The following SLC35F1 variants were observed in gnomAD, a reference collection of about 807,000 sequenced individuals.
The protein encoded by SLC35F1 is chromosome 6 open reading frame 169.
In SLC35F1, 14 loss-of-function variants were observed where a neutral mutation model predicts 48.7. The ratio of observed to expected loss-of-function variants is 0.29; its 90% CI spans 0.19 to 0.45. The LOEUF is 0.45. SLC35F1 is among the 20% of genes least tolerant of loss of function. The pLI, the probability that SLC35F1 is intolerant of heterozygous loss-of-function variation, is 1.00. For synonymous variants in SLC35F1, 190 were observed against 202.2 expected (o/e 0.94, Z 0.51); for missense variants, 404 against 500.0 (o/e 0.81, Z 1.83).
chr6:118,082,563 TCTAA>T (rs1392133176), intron 1 of SLC35F1, among the ~76,000 whole-genome samples: 1 of 151,632 alleles, frequency 6.6e-6, no homozygotes, highest in African/African-American at 2.4e-5. Context: ...TAAACTCAAC[TCTAA>T]CAAACAAAGA....
intron 3 of SLC35F1, among the ~76,000 whole-genome samples, chr6:118,236,931 CT>C (rs1410285511): frequency 1.3e-5 from 2 of 152,186 alleles, no homozygotes; most frequent in African/African-American, 4.8e-5. Context: ...CTTTCTCTCC[CT>C]TTTAGAACTT....
chr6:117,921,139 AG>A (rs1438393021), intron 1 of SLC35F1, among the ~76,000 whole-genome samples: 1 of 151,940 alleles, frequency 6.6e-6, no homozygotes, highest in East Asian at 1.9e-4. Context: ...AATTGATGAT[AG>A]CCCCCCAACT....
chr6:118,164,327 C>T (rs1213191750), intron 2 of SLC35F1, among the ~76,000 whole-genome samples: 1 of 152,102 alleles, frequency 6.6e-6, no homozygotes, highest in Admixed American at 6.5e-5. Context: ...AATTTTTTGT[C>T]TTTAACTGCC....
chr6:118,053,101 A>C (rs1045459725), intron 1 of SLC35F1, among the ~76,000 whole-genome samples: 2 of 152,268 alleles, frequency 1.3e-5, no homozygotes, highest in East Asian at 3.9e-4. Context: ...TTATCTGGTA[A>C]GGAAATTTAC....
At position 118,275,582 on chromosome 6, in the gene SLC35F1, G is replaced by T; in HGVS notation, c.761G>T (p.Gly254Val). 6.2e-7 allele frequency: 1 copy of T among 1,613,874 alleles called. No individual in the cohort carries two copies. Among genetic ancestry groups the T allele is most frequent in the Non-Finnish European group, 8.5e-7 (1 of 1,179,884 alleles). The change falls in exon 5 of 8, where the codon GGT becomes GTT. Residue 254 changes from glycine (G) to valine (V), a missense_variant. Physicochemically the swap from Gly to Val is moderately radical, Grantham distance 109. Around this residue, in one of 2 missense-constraint regions of SLC35F1, gnomAD observed 306 missense variants for 419.1 expected, o/e 0.73. Transcript: ENST00000360388. ...CGAGTGGAATTCCTGGGAATGATTG[G>T]TCTCTTTGGAGCATTTTTCAGTGGA... is the stretch of plus-strand genomic sequence containing the variant. Reference protein sequence around the residue: ...LSRVEFLGMIGLFGAFFSGIQ... With the variant: ...LSRVEFLGMIVLFGAFFSGIQ...
intron 1 of SLC35F1, among the ~76,000 whole-genome samples, chr6:118,123,752 C>A (rs187172358): frequency 2.0e-3 from 309 of 152,308 alleles, no homozygotes; most frequent in Non-Finnish European, 3.9e-3. Flanking sequence ...CTTGCTTAAA[C>A]TGAATATCCA....
chr6:117,988,810 A>G (rs1776880828), intron 1 of SLC35F1, among the ~76,000 whole-genome samples: 1 of 152,220 alleles, frequency 6.6e-6, no homozygotes. Context: ...TTTATTGGGT[A>G]CAGAGTTTCT....
At chr6:118,082,721 C>G (rs1018777479) in intron 1 of SLC35F1, among the ~76,000 whole-genome samples, 3 of 152,072 alleles carry the variant, frequency 2.0e-5, no homozygotes, top group African/African-American at 7.2e-5. Flanking sequence ...GCTTTATTCT[C>G]AAGCAAGTTT....
chr6:118,290,515 A>C (rs1776107488), intron 7 of SLC35F1, among the ~76,000 whole-genome samples: 1 of 133,034 alleles, frequency 7.5e-6, no homozygotes, highest in Admixed American at 7.8e-5. Flanking sequence ...TAGTATCTGC[A>C]AAAAAAAAAA....
intron 1 of SLC35F1, among the ~76,000 whole-genome samples, chr6:118,033,988 C>G (rs191932872): frequency 2.1e-4 from 32 of 152,222 alleles, no homozygotes; most frequent in Admixed American, 2.0e-3. Flanking sequence ...CAGGAGGCAG[C>G]AGCTAAATGG....
At chr6:118,048,852 G>A (rs1486806128) in intron 1 of SLC35F1, among the ~76,000 whole-genome samples, 4 of 152,024 alleles carry the variant, frequency 2.6e-5, no homozygotes, top group Admixed American at 6.6e-5. Flanking sequence ...TCACAGAATT[G>A]GAAAAAACTA....
At chr6:118,070,448 A>G (rs1346868712) in intron 1 of SLC35F1, among the ~76,000 whole-genome samples, 1 of 152,178 alleles carries the variant, frequency 6.6e-6, no homozygotes, top group African/African-American at 2.4e-5. Context: ...ACACTCTTGA[A>G]TAGGACTTAA....
At chr6:117,948,676 C>T (rs1263401035) in intron 1 of SLC35F1, among the ~76,000 whole-genome samples, 3 of 152,088 alleles carry the variant, frequency 2.0e-5, no homozygotes, top group Non-Finnish European at 4.4e-5. Flanking sequence ...TGATAACTGC[C>T]TGCCCTGAAA....
intron 6 of SLC35F1, among the ~76,000 whole-genome samples, chr6:118,282,521 A>G (rs780184221): frequency 2.0e-5 from 3 of 152,180 alleles, no homozygotes; most frequent in Non-Finnish European, 2.9e-5. Flanking sequence ...TCCTTTGCTC[A>G]CCAACTGGGC....
chr6:118,173,692 C>T (rs1017061778), intron 2 of SLC35F1, among the ~76,000 whole-genome samples: 41 of 152,080 alleles, frequency 2.7e-4, no homozygotes, highest in Non-Finnish European at 7.4e-5. Context: ...TTAAGATACA[C>T]CAGACTTTCA....
intron 2 of SLC35F1, among the ~76,000 whole-genome samples, chr6:118,186,512 C>T (rs1436334246): frequency 6.6e-6 from 1 of 152,142 alleles, no homozygotes; most frequent in East Asian, 1.9e-4. Context: ...TCACTGTCTT[C>T]CTCCTCCCTT....
Position 118,177,368 on chromosome 6 carries a change from T to C in SLC35F1, c.349+22748T>C, listed in dbSNP as rs953459373. ...GCTATCTTAGACAAATTTTATCTTA[T>C]ATTTCCTCTTCTAAATCAAAACTTA... On this transcript the variant is annotated intron_variant, in intron 2 of 7. Transcript: ENST00000360388. Among the ~76,000 whole-genome samples, 9 of 152,290 alleles carry C rather than the reference T, an allele frequency of 5.9e-5. No individual in the cohort carries two copies. The South Asian group carries it at 1.7e-3, about 28-fold the overall frequency.
chr6:118,047,607 CAT>C (rs906491907), intron 1 of SLC35F1, among the ~76,000 whole-genome samples: 2 of 152,130 alleles, frequency 1.3e-5, no homozygotes, highest in Admixed American at 6.6e-5. Context: ...AGAAAATACA[CAT>C]GTTGATTTCC....
chr6:117,963,884 G>T (rs111568049), intron 1 of SLC35F1, among the ~76,000 whole-genome samples: 10,770 of 152,090 alleles, frequency 0.071, 483 homozygotes, highest in Middle Eastern at 0.11. Context: ...GTAAACATGC[G>T]CCATGGTGGT....
Sources: gnomAD v4.1 joint callset for allele counts (sites outside exome capture counted in the v4.1 genomes callset) on GRCh38, gnomAD v4.1.1 for gene constraint, gnomAD v4.1.1 regional missense constraint, MANE v1.5 for transcripts, NCBI Gene and HGNC (gene_info 2026-07-23, HGNC 2026-07-21) for gene names.